PREX1: variants seen among roughly 807,000 people sequenced by gnomAD.
PREX1 encodes the protein phosphatidylinositol 3,4,5-trisphosphate-dependent Rac exchanger 1 protein.
Under a neutral mutation model 198.3 loss-of-function variants are expected in PREX1, and 41 were observed. That is an observed-to-expected ratio of 0.21 (90% CI 0.16 to 0.27). The LOEUF is 0.27. PREX1 is among the 10% of genes least tolerant of loss of function. PREX1 has a pLI of 1.00. For missense variants in PREX1, 1,620 were observed against 2,200.7 expected, an observed-to-expected ratio of 0.74 and a Z score of 5.28; for synonymous variants, 843 against 887.2, an observed-to-expected ratio of 0.95 and a Z score of 0.89.
chr20:48,637,062 C>A (rs2089370772), intron 31 of PREX1, among the ~76,000 whole-genome samples: 1 of 152,226 alleles, frequency 6.6e-6, no homozygotes, highest in Non-Finnish European at 1.5e-5. Flanking sequence ...AGCTCTTCTG[C>A]CAAGCTGCAC....
At chr20:48,658,537 G>A (rs2089563307) in intron 16 of PREX1, among the ~76,000 whole-genome samples, 1 of 152,188 alleles carries the variant, frequency 6.6e-6, no homozygotes, top group African/African-American at 2.4e-5. Flanking sequence ...AACAGGTCTG[G>A]GGGTTCCCCA....
intron 1 of PREX1, among the ~76,000 whole-genome samples, chr20:48,775,015 C>T (rs1002138273): frequency 6.6e-6 from 1 of 152,218 alleles, no homozygotes; most frequent in African/African-American, 2.4e-5. Context: ...AACCTGCTTC[C>T]AGCCTCAGCT....
chr20:48,794,736 C>T lies in PREX1; in HGVS notation c.219+32906G>A, dbSNP rs142733338. Among the ~76,000 whole-genome samples the T allele has an allele frequency of 1.4e-3, 208 of 152,318 alleles. 1 individual carries two copies. Among genetic ancestry groups the T allele is most frequent in the African/African-American group, 4.6e-3 (193 of 41,562 alleles). The stretch of plus-strand genomic sequence containing the variant: ...GGGACAGGGTCCCTAAGAGGGGCCC[C>T]GGCTGCCTACAGTCCTCGGGGACTG... On this transcript the variant is annotated intron_variant, in intron 1 of 39. Coordinates refer to ENST00000371941, the MANE Select transcript of PREX1 (RefSeq NM_020820.4).
chr20:48,823,683 C>G (rs4809728), intron 1 of PREX1, among the ~76,000 whole-genome samples: 47,117 of 152,088 alleles, frequency 0.31, 7,502 homozygotes, highest in Non-Finnish European at 0.33. Flanking sequence ...TCACAGAGGG[C>G]AAGTAACAGG....
chr20:48,658,655 G>C (rs961358355), intron 16 of PREX1, among the ~76,000 whole-genome samples: 1 of 152,144 alleles, frequency 6.6e-6, no homozygotes, highest in African/African-American at 2.4e-5. Flanking sequence ...ACACCATCTA[G>C]AACAAGACAA....
At chr20:48,854,009 C>T in the PREX1 span, among the ~76,000 whole-genome samples, 3 of 152,220 alleles carry the variant, frequency 2.0e-5, no homozygotes, top group Admixed American at 1.3e-4. Flanking sequence ...GACGTCACTG[C>T]AAGGTGGAAA....
Position 48,661,444 on chromosome 20 carries a change from A to AAAAAAAT in PREX1, c.1739-1384_1739-1383insATTTTTT, listed in dbSNP as rs1555832820. The stretch of plus-strand genomic sequence containing the variant: ...CAAAAAAAAAAAAAAAAAAAAAAAA[A>AAAAAAAT]ATATATATATATATATATATATATA... On this transcript the variant is annotated intron_variant, in intron 15 of 39. Transcript: ENST00000371941. Among the ~76,000 whole-genome samples the AAAAAAAT allele has an allele frequency of 1.4e-3, 69 of 49,576 alleles. 1 individual carries two copies. Among genetic ancestry groups the AAAAAAAT allele is most frequent in the Non-Finnish European group, 1.8e-3 (57 of 31,992 alleles). 32.5% of individuals were successfully genotyped at this position (49,576 alleles called of 152,430 possible). A position where few individuals can be genotyped will look rare whatever the true frequency, so the allele number is the denominator to read the frequency against.
At chr20:48,853,687 A>T in the PREX1 span, among the ~76,000 whole-genome samples, 2 of 152,120 alleles carry the variant, frequency 1.3e-5, no homozygotes, top group Non-Finnish European at 2.9e-5. Context: ...CACACATATG[A>T]ACACACACAC....
In PREX1 at chr20:48,794,425, GCTCT is replaced by G. The variant is rs1481076637; in HGVS notation, c.219+33213_219+33216del. Among the ~76,000 whole-genome samples, 16 of 152,316 alleles carry G rather than the reference GCTCT, an allele frequency of 1.1e-4. No individual in the cohort carries two copies. In the East Asian group the frequency reaches 2.3e-3, roughly 22 times the overall value. On this transcript the variant is annotated intron_variant, in intron 1 of 39. Coordinates refer to ENST00000371941, the MANE Select transcript of PREX1 (RefSeq NM_020820.4). ...GCTAACCAGGACAATGAAAACAAGAGCTCTCTCTCCACTCCAGAAGGAAAGAGGC... is the reference window on the plus strand; with the variant it reads ...GCTAACCAGGACAATGAAAACAAGAGCTCTCCACTCCAGAAGGAAAGAGGC...
chr20:48,727,109 T>C lies in PREX1; in HGVS notation c.520-718A>G, dbSNP rs563062072. The stretch of plus-strand genomic sequence containing the variant: ...AGGTCAAATATAAAGACATGCGTGT[T>C]AAAGGAATGCACCCAATTCCAGTGG... On this transcript the variant is annotated intron_variant, in intron 4 of 39. Coordinates refer to ENST00000371941, the MANE Select transcript of PREX1 (RefSeq NM_020820.4). Among the ~76,000 whole-genome samples the C allele has an allele frequency of 4.5e-4, 68 of 152,310 alleles. 1 individual carries two copies. Among genetic ancestry groups the C allele is most frequent in the African/African-American group, 1.6e-3 (67 of 41,552 alleles).
intron 1 of PREX1, among the ~76,000 whole-genome samples, chr20:48,818,453 T>C (rs1423730845): frequency 6.6e-6 from 1 of 152,084 alleles, no homozygotes; most frequent in East Asian, 1.9e-4. Flanking sequence ...TTATGCTAAG[T>C]GAGATGTAAC....
At chr20:48,808,421 C>T (rs2090421474) in intron 1 of PREX1, among the ~76,000 whole-genome samples, 1 of 152,194 alleles carries the variant, frequency 6.6e-6, no homozygotes, top group Admixed American at 6.5e-5. Flanking sequence ...CGAGGTCACA[C>T]AGCTCGTGAG....
At chr20:48,672,549 T>A (rs2089682531) in intron 14 of PREX1, among the ~76,000 whole-genome samples, 1 of 152,150 alleles carries the variant, frequency 6.6e-6, no homozygotes, top group Admixed American at 6.5e-5. Flanking sequence ...CTTCCAGGAG[T>A]GGACACAGCC....
intron 33 of PREX1, among the ~76,000 whole-genome samples, chr20:48,633,454 T>C (rs1246615183): frequency 1.3e-5 from 2 of 152,208 alleles, no homozygotes; most frequent in Non-Finnish European, 2.9e-5. Flanking sequence ...AAAGGTTTTT[T>C]ATGAAATTAA....
At chr20:48,826,677 A>AG (rs2090510346) in intron 1 of PREX1, among the ~76,000 whole-genome samples, 1 of 152,222 alleles carries the variant, frequency 6.6e-6, no homozygotes. Flanking sequence ...CAACATGGTG[A>AG]AATCCCCTCT....
In PREX1 at chr20:48,642,188, G is replaced by C. The variant is rs1295997331; in HGVS notation, c.3755C>G (p.Pro1252Arg). ...SRAFEETKHF[P>R]MNHSLQEFKQ... ...CTCACCTTGTAAGCTGTGGTTCATAGGGAAATGCTTGGTCTCTTCGAAAGC... is the reference window on the plus strand; with the variant it reads ...CTCACCTTGTAAGCTGTGGTTCATACGGAAATGCTTGGTCTCTTCGAAAGC... The change falls in exon 29 of 40, where the codon CCT becomes CGT. Residue 1252 changes from proline (P) to arginine (R), a missense_variant. Around this residue, in one of 7 missense-constraint regions of PREX1, gnomAD observed 476 missense variants for 603.4 expected, o/e 0.79. Coordinates refer to ENST00000371941, the MANE Select transcript of PREX1 (RefSeq NM_020820.4). 1.9e-6 allele frequency: 3 copies of C among 1,614,058 alleles called. No homozygotes were observed. In the African/African-American group the frequency reaches 4.0e-5, roughly 22 times the overall value.
chr20:48,748,564 G>T (rs1483254203), intron 1 of PREX1, among the ~76,000 whole-genome samples: 1 of 151,924 alleles, frequency 6.6e-6, no homozygotes, highest in Non-Finnish European at 1.5e-5. Flanking sequence ...ATATAGCTCA[G>T]AGATCCTTCC....
chr20:48,692,569 A>G (rs995118968), intron 8 of PREX1, 103 bp downstream of exon 8: 2 of 934,822 alleles, frequency 2.1e-6, no homozygotes, highest in African/African-American at 1.7e-5. Context: ...GGTAGATTAC[A>G]TCTCATGATA....
In PREX1 at chr20:48,688,730, T is replaced by C. The variant is rs756262920; in HGVS notation, c.1261A>G (p.Met421Val). ...EKGEKLYHMM[M>V]NKKVNLIKDR... is the part of the protein sequence containing the mutation. ...TTGATGAGGTTCACCTTCTTGTTCA[T>C]CATCATGTGGTACAGCTTCTCCCCC... Residue 421 changes from methionine (M) to valine (V), a missense_variant, in exon 10 of 40, where the codon ATG becomes GTG. By Grantham distance (21) the Met-to-Val change is conservative (BLOSUM62 1). Coordinates refer to ENST00000371941, the MANE Select transcript of PREX1 (RefSeq NM_020820.4). 1.7e-5 allele frequency: 27 copies of C among 1,614,038 alleles called. 1 individual carries two copies. The South Asian group carries it at 2.5e-4, about 15-fold the overall frequency.
Sources: allele counts gnomAD v4.1 joint callset (sites outside exome capture counted in the v4.1 genomes callset), GRCh38; gene constraint gnomAD v4.1.1; regional missense constraint gnomAD v4.1.1; transcripts MANE v1.5; gene names NCBI Gene and HGNC (gene_info 2026-07-23, HGNC 2026-07-21).